MACROD2: variants seen among roughly 807,000 people sequenced by gnomAD.
MACROD2 encodes the protein mono-ADP ribosylhydrolase 2, also known as ADP-ribose glycohydrolase MACROD2.
Under a neutral mutation model 70.4 loss-of-function variants are expected in MACROD2, and 36 were observed. That is an observed-to-expected ratio of 0.51 (90% CI 0.39 to 0.68). The LOEUF is 0.68. MACROD2 is among the 30% of genes least tolerant of loss of function. The pLI, the probability that MACROD2 is intolerant of heterozygous loss-of-function variation, is 0.00. For synonymous variants in MACROD2, 172 were observed against 178.8 expected (o/e 0.96, Z 0.30); for missense variants, 496 against 538.4 (o/e 0.92, Z 0.78).
intron 3 of MACROD2, among the ~76,000 whole-genome samples, chr20:14,284,209 C>T (rs1211554879): frequency 3.9e-5 from 6 of 152,166 alleles, no homozygotes; most frequent in Admixed American, 2.0e-4. Context: ...ATGCACTGTG[C>T]TTTCTTAAAA....
At chr20:14,781,653 A>G (rs749067921) in intron 5 of MACROD2, among the ~76,000 whole-genome samples, 27 of 151,648 alleles carry the variant, frequency 1.8e-4, no homozygotes, top group Non-Finnish European at 4.4e-5. Context: ...CACATTGTTC[A>G]CTACATATAA....
intron 4 of MACROD2, among the ~76,000 whole-genome samples, chr20:14,517,827 C>T (rs577111810): frequency 6.6e-6 from 1 of 152,054 alleles, no homozygotes; most frequent in South Asian, 2.1e-4. Flanking sequence ...ATGATGTATT[C>T]TATCCTTTTC....
chr20:14,650,410 T>C (rs1248663579), intron 4 of MACROD2, among the ~76,000 whole-genome samples: 2 of 152,204 alleles, frequency 1.3e-5, no homozygotes, highest in Admixed American at 6.5e-5. Context: ...GAAACAACTT[T>C]AGTAATTATC....
At chr20:15,389,000 G>GAA (rs11473507) in intron 6 of MACROD2, among the ~76,000 whole-genome samples, 19,942 of 152,052 alleles carry the variant, frequency 0.13, 3,346 homozygotes, top group African/African-American at 0.4. Context: ...AAGAATTTAG[G>GAA]AGTCAGGAGG....
At chr20:15,859,521 G>A (rs1019168973) in intron 8 of MACROD2, among the ~76,000 whole-genome samples, 1 of 152,136 alleles carries the variant, frequency 6.6e-6, no homozygotes, top group Non-Finnish European at 1.5e-5. Flanking sequence ...TCATAAACAC[G>A]GAGCTTGTCA....
intron 8 of MACROD2, among the ~76,000 whole-genome samples, chr20:15,572,899 A>G (rs113672264): frequency 2.0e-4 from 30 of 152,270 alleles, no homozygotes; most frequent in East Asian, 7.7e-4. Flanking sequence ...ATTTTTAACT[A>G]CAGAAAAATT....
At chr20:14,681,646 G>C (rs1043821337) in intron 4 of MACROD2, among the ~76,000 whole-genome samples, 2 of 152,102 alleles carry the variant, frequency 1.3e-5, no homozygotes, top group Non-Finnish European at 2.9e-5. Context: ...GAAAGGTTTT[G>C]TATCTTTATT....
chr20:15,595,536 AG>A (rs1192195388), intron 8 of MACROD2, among the ~76,000 whole-genome samples: 1 of 152,218 alleles, frequency 6.6e-6, no homozygotes, highest in Non-Finnish European at 1.5e-5. Context: ...GTTCAACCTG[AG>A]GAATAGTTAA....
chr20:14,280,343 G>T (rs935237771), intron 3 of MACROD2, among the ~76,000 whole-genome samples: 1 of 152,152 alleles, frequency 6.6e-6, no homozygotes, highest in Non-Finnish European at 1.5e-5. Context: ...TCTTTTGGAA[G>T]ATATATGCTT....
At chr20:14,070,132 G>A (rs2053818592) in intron 2 of MACROD2, among the ~76,000 whole-genome samples, 1 of 152,126 alleles carries the variant, frequency 6.6e-6, no homozygotes, top group Non-Finnish European at 1.5e-5. Flanking sequence ...TTTTGGAAGG[G>A]ATTTTTGCAC....
At chr20:14,804,434 C>T (rs564904830) in intron 5 of MACROD2, among the ~76,000 whole-genome samples, 3 of 152,046 alleles carry the variant, frequency 2.0e-5, no homozygotes, top group Non-Finnish European at 2.9e-5. Context: ...AGACAAATAG[C>T]ATACATGGTT....
At chr20:15,641,556 C>G (rs1358648755) in intron 8 of MACROD2, among the ~76,000 whole-genome samples, 1 of 152,148 alleles carries the variant, frequency 6.6e-6, no homozygotes, top group Admixed American at 6.5e-5. Flanking sequence ...TATAATGCAA[C>G]AGAGCTCCAT....
intron 8 of MACROD2, among the ~76,000 whole-genome samples, chr20:15,789,413 CT>C (rs2051984356): frequency 6.6e-6 from 1 of 152,064 alleles, no homozygotes; most frequent in Non-Finnish European, 1.5e-5. Flanking sequence ...ATCAGGCAAG[CT>C]TTGTTTGAAA....
At chr20:14,552,350 T>A (rs1488858745) in intron 4 of MACROD2, among the ~76,000 whole-genome samples, 1 of 149,672 alleles carries the variant, frequency 6.7e-6, no homozygotes, top group Non-Finnish European at 1.5e-5. Flanking sequence ...ATAAGGGTCA[T>A]AGAGAAGGCA....
chr20:14,605,542 T>C (rs1982749926), intron 4 of MACROD2, among the ~76,000 whole-genome samples: 2 of 152,178 alleles, frequency 1.3e-5, no homozygotes, highest in Admixed American at 1.3e-4. Context: ...GTGTCTTTTA[T>C]GGGCAACAAA....
chr20:15,503,696 C>A (rs1169039534), intron 8 of MACROD2, among the ~76,000 whole-genome samples: 1 of 152,154 alleles, frequency 6.6e-6, no homozygotes, highest in Non-Finnish European at 1.5e-5. Flanking sequence ...TGCATGTTAT[C>A]TTTTATTCTC....
intron 8 of MACROD2, among the ~76,000 whole-genome samples, chr20:15,613,709 T>G (rs1338792648): frequency 6.6e-6 from 1 of 152,200 alleles, no homozygotes; most frequent in Non-Finnish European, 1.5e-5. Flanking sequence ...TCGAATCCAG[T>G]CTTTTTTGAC....
chr20:14,912,735 A>G (rs976779461), intron 5 of MACROD2, among the ~76,000 whole-genome samples: 7 of 151,852 alleles, frequency 4.6e-5, no homozygotes, highest in African/African-American at 1.7e-4. Context: ...GAGAGAAGGG[A>G]AAAAAAATCA....
At chr20:14,262,006 T>A (rs6042623) in intron 3 of MACROD2, among the ~76,000 whole-genome samples, 5,268 of 152,166 alleles carry the variant, frequency 0.035, 102 homozygotes, top group African/African-American at 0.064. Flanking sequence ...AGCTAAAAGC[T>A]GGAGAGGAGA....
Sources: allele counts gnomAD v4.1 joint callset (sites outside exome capture counted in the v4.1 genomes callset), GRCh38; gene constraint gnomAD v4.1.1; transcripts MANE v1.5; gene names NCBI Gene and HGNC (gene_info 2026-07-23, HGNC 2026-07-21).